Variants in GOLGA4 observed in about 807,000 individuals in gnomAD.
The protein encoded by GOLGA4 is golgin A4.
A neutral mutation model predicts 265.9 loss-of-function variants in GOLGA4; 169 were observed. That is an observed-to-expected ratio of 0.64 (90% CI 0.56 to 0.72). The LOEUF (loss-of-function observed/expected upper bound fraction) is 0.72. Ranked by LOEUF, GOLGA4 falls within the 30% of genes least tolerant of loss-of-function variation. GOLGA4 has a pLI of 0.00. For synonymous variants in GOLGA4, 923 were observed against 855.8 expected (o/e 1.08, Z -1.37); for missense variants, 2,482 against 2,483.4 (o/e 1.00, Z 0.01).
intron 3 of GOLGA4, among the ~76,000 whole-genome samples, chr3:37,282,974 A>G (rs2096838817): frequency 6.6e-6 from 1 of 152,124 alleles, no homozygotes; most frequent in Non-Finnish European, 1.5e-5. Context: ...GCTTTTTTGG[A>G]GTAAGTTGTC....
chr3:37,265,147 G>GTGTGTT (rs1491420327), intron 2 of GOLGA4, among the ~76,000 whole-genome samples: 6 of 150,964 alleles, frequency 4.0e-5, no homozygotes, highest in African/African-American at 1.5e-4. Context: ...GTGTGTGTGT[G>GTGTGTT]TATAATTCTA....
Position 37,262,550 on chromosome 3 carries a change from A to G in GOLGA4, c.162+11066A>G, listed in dbSNP as rs145299323. Among the ~76,000 whole-genome samples, 701 of 152,160 alleles carry G rather than the reference A, an allele frequency of 4.6e-3. 3 individuals carry two copies. The highest frequency in any genetic ancestry group is 9.0e-3 in the Admixed American group (137 of 15,276). On this transcript the variant is annotated intron_variant, in intron 2 of 23. Coordinates refer to ENST00000361924, the MANE Select transcript of GOLGA4 (RefSeq NM_002078.5). ...AAATGAAAAAAAAATTGATGTAAAC[A>G]TGTAAATCACAATAAAACTCAGACT...
intron 16 of GOLGA4, among the ~76,000 whole-genome samples, chr3:37,332,146 G>T (rs1359259380): frequency 1.3e-5 from 2 of 152,192 alleles, no homozygotes; most frequent in Non-Finnish European, 2.9e-5. Context: ...CTAAATATGT[G>T]CAGTGGTTTC....
chr3:37,300,951 C>T (rs1270277338), intron 9 of GOLGA4, among the ~76,000 whole-genome samples: 1 of 152,158 alleles, frequency 6.6e-6, no homozygotes, highest in East Asian at 1.9e-4. Flanking sequence ...CTCTCCTTCT[C>T]TTTCCACTAT....
rs1167988452 is a variant in GOLGA4, at chr3:37,324,200, T to C, written c.2314T>C (p.Leu772=). 1.9e-6 allele frequency: 3 copies of C among 1,614,064 alleles called. No individual in the cohort carries two copies. The highest frequency in any genetic ancestry group is 1.6e-4 in the Middle Eastern group (1 of 6,062). The change falls in exon 14 of 24, where the codon TTG becomes CTG. Residue 772 remains leucine (L), a synonymous_variant. Coordinates refer to ENST00000361924, the MANE Select transcript of GOLGA4 (RefSeq NM_002078.5). ...TCTCTTGAAGGAAAGGGACAAGCAT[T>C]TGAAAGAGCATCAGGCTCATGTAGA... is the stretch of plus-strand genomic sequence containing the variant. ...ELLLKERDKH[L]KEHQAHVENL...
intron 11 of GOLGA4, among the ~76,000 whole-genome samples, chr3:37,318,160 A>G (rs1281719902): frequency 6.6e-6 from 1 of 152,100 alleles, no homozygotes; most frequent in Non-Finnish European, 1.5e-5. Context: ...TGGCTACCAA[A>G]TGGTCTCCAA....
At chr3:37,337,776 C>T (rs866504965) in intron 19 of GOLGA4, 42 bp downstream of exon 19, 11 of 1,241,434 alleles carry the variant, frequency 8.9e-6, no homozygotes, top group Non-Finnish European at 9.5e-6. Context: ...ACTAAAGTTT[C>T]GTTAATATGT....
Position 37,243,599 on chromosome 3 carries a change from C to T in GOLGA4, c.49C>T (p.Gln17Ter), listed in dbSNP as rs1432523543. The T allele has an allele frequency of 2.5e-6, 4 of 1,613,642 alleles. No individual in the cohort carries two copies. Among genetic ancestry groups the T allele is most frequent in the Non-Finnish European group, 3.4e-6 (4 of 1,179,928 alleles). ...GATCAGCGAGGAGCAGCAGCAGCTCCAGCAGGCGCTGGCTCCTGCTCAGGT... is the reference window on the plus strand; with the variant it reads ...GATCAGCGAGGAGCAGCAGCAGCTCTAGCAGGCGCTGGCTCCTGCTCAGGT... ...QKISEEQQQL[Q>*]QALAPAQASS... The change falls in exon 1 of 24, where the codon CAG (glutamine) becomes TAG (stop). Residue 17 changes from glutamine (Q) to a stop codon, truncating the protein, a stop_gained. Coordinates refer to ENST00000361924, the MANE Select transcript of GOLGA4 (RefSeq NM_002078.5). LOFTEE classifies it high-confidence loss of function.
chr3:37,309,063 C>A (rs1578622692), intron 10 of GOLGA4, among the ~76,000 whole-genome samples: 1 of 150,782 alleles, frequency 6.6e-6, no homozygotes, highest in Non-Finnish European at 1.5e-5. Context: ...AATAGCCTGG[C>A]CAACATGGTG....
intron 2 of GOLGA4, chr3:37,273,722 A>G (rs1416938200): frequency 4.8e-6 from 3 of 622,808 alleles, no homozygotes; most frequent in East Asian, 2.9e-5. Context: ...TCAGTACAGT[A>G]TATATGGTAA....
intron 10 of GOLGA4, among the ~76,000 whole-genome samples, chr3:37,306,031 A>G (rs2096905086): frequency 6.6e-6 from 1 of 152,130 alleles, no homozygotes. Flanking sequence ...ATGATTGTTT[A>G]TTTTCTTTGT....
At chr3:37,266,993 T>C in intron 2 of GOLGA4, 1 of 820,728 alleles carries the variant, frequency 1.2e-6, no homozygotes, top group South Asian at 1.5e-5. Flanking sequence ...CAAAGTAATT[T>C]GGCAATTGTA....
intron 20 of GOLGA4, among the ~76,000 whole-genome samples, chr3:37,344,595 A>G (rs1278098517): frequency 6.6e-6 from 1 of 151,620 alleles, no homozygotes; most frequent in African/African-American, 2.4e-5. Flanking sequence ...GGCTTCCCAA[A>G]GTGCTGAGAT....
chr3:37,276,224 C>G, intron 2 of GOLGA4: 1 of 1,559,386 alleles, frequency 6.4e-7, no homozygotes, highest in Non-Finnish European at 8.8e-7. Context: ...AGCTATATAT[C>G]AAGAAATAAG....
intron 11 of GOLGA4, among the ~76,000 whole-genome samples, 177 bp downstream of exon 11, chr3:37,315,775 T>C (rs2096935910): frequency 6.6e-6 from 1 of 152,226 alleles, no homozygotes; most frequent in African/African-American, 2.4e-5. Context: ...AGGTAATTCT[T>C]TGGAACCTTT....
intron 2 of GOLGA4, among the ~76,000 whole-genome samples, chr3:37,277,459 A>G (rs1159756825): frequency 1.3e-5 from 2 of 152,226 alleles, no homozygotes; most frequent in South Asian, 4.1e-4. Context: ...TTAGTGTAGT[A>G]TAGCTATTGT....
intron 10 of GOLGA4, among the ~76,000 whole-genome samples, chr3:37,309,589 A>C (rs1250181738): frequency 1.3e-5 from 2 of 152,042 alleles, no homozygotes; most frequent in African/African-American, 4.8e-5. Flanking sequence ...AAAAACAAAC[A>C]AAAAAAACCA....
At chr3:37,334,886 TAAAATA>T (rs912616618) in intron 16 of GOLGA4, among the ~76,000 whole-genome samples, 161 bp from the exon 17 acceptor site, 1 of 152,126 alleles carries the variant, frequency 6.6e-6, no homozygotes, top group Non-Finnish European at 1.5e-5. Context: ...AATAATGAAT[TAAAATA>T]AAAACAGTAG....
intron 2 of GOLGA4, among the ~76,000 whole-genome samples, chr3:37,273,871 G>A (rs1346157025): frequency 6.6e-6 from 1 of 152,208 alleles, no homozygotes; most frequent in East Asian, 1.9e-4. Context: ...GGAGGCTGAG[G>A]TGGGCGGATC....
Sources: gnomAD v4.1 joint callset for allele counts (sites outside exome capture counted in the v4.1 genomes callset) on GRCh38, gnomAD v4.1.1 for gene constraint, MANE v1.5 for transcripts, NCBI Gene and HGNC (gene_info 2026-07-23, HGNC 2026-07-21) for gene names.